NRXN3: variants seen among roughly 807,000 people sequenced by gnomAD.
NRXN3 encodes the protein neurexin 3.
Under a neutral mutation model 137.6 loss-of-function variants are expected in NRXN3, and 32 were observed. The ratio of observed to expected loss-of-function variants is 0.23; its 90% CI spans 0.18 to 0.31. The LOEUF is 0.31. NRXN3 is among the 10% of genes least tolerant of loss of function. The pLI is 1.00. For synonymous variants in NRXN3, 798 were observed against 784.5 expected (o/e 1.02, Z -0.29); for missense variants, 1,574 against 2,062.5 (o/e 0.76, Z 4.59).
chr14:79,849,811 T>C (rs976542132), intron 20 of NRXN3, among the ~76,000 whole-genome samples: 1 of 152,196 alleles, frequency 6.6e-6, no homozygotes, highest in Non-Finnish European at 1.5e-5. Context: ...CCATGTTCAT[T>C]GCAGCATTAC....
At chr14:79,348,214 C>G (rs756460672) in intron 15 of NRXN3, among the ~76,000 whole-genome samples, 6 of 152,170 alleles carry the variant, frequency 3.9e-5, no homozygotes, top group Non-Finnish European at 8.8e-5. Context: ...GACGCTTATT[C>G]AACTATATGA....
At chr14:79,092,614 A>C (rs1238663167) in intron 15 of NRXN3, among the ~76,000 whole-genome samples, 5 of 152,206 alleles carry the variant, frequency 3.3e-5, no homozygotes, top group Non-Finnish European at 5.9e-5. Context: ...TTAAATTCAA[A>C]GTCAAATACA....
At chr14:79,143,896 T>A (rs373048313) in intron 15 of NRXN3, among the ~76,000 whole-genome samples, 346 of 152,352 alleles carry the variant, frequency 2.3e-3, no homozygotes, top group African/African-American at 7.8e-3. Context: ...AGATTTTTTT[T>A]AAAACTTTTC....
intron 15 of NRXN3, among the ~76,000 whole-genome samples, chr14:79,150,379 A>G (rs897319589): frequency 3.3e-5 from 5 of 151,718 alleles, no homozygotes; most frequent in African/African-American, 7.3e-5. Context: ...CTTCACCAGC[A>G]GTAGAAAAGT....
chr14:79,130,381 C>G (rs1459686207), intron 15 of NRXN3, among the ~76,000 whole-genome samples: 1 of 152,010 alleles, frequency 6.6e-6, no homozygotes, highest in Non-Finnish European at 1.5e-5. Flanking sequence ...CTGGTGGTGA[C>G]AAAATCTCTC....
chr14:79,390,562 C>A (rs2094811937), intron 15 of NRXN3, among the ~76,000 whole-genome samples: 1 of 152,096 alleles, frequency 6.6e-6, no homozygotes, highest in African/African-American at 2.4e-5. Flanking sequence ...CTCCTAAATT[C>A]TAGCAAACTT....
intron 19 of NRXN3, among the ~76,000 whole-genome samples, chr14:79,721,948 A>G (rs547833024): frequency 3.3e-5 from 5 of 152,100 alleles, no homozygotes; most frequent in Non-Finnish European, 7.4e-5. Context: ...AAAGAACTCC[A>G]TAGAGAGCTA....
At chr14:79,708,063 T>C (rs1479500464) in intron 19 of NRXN3, among the ~76,000 whole-genome samples, 1 of 152,208 alleles carries the variant, frequency 6.6e-6, no homozygotes, top group Non-Finnish European at 1.5e-5. Flanking sequence ...GACATCACAA[T>C]GACCACTTCT....
At chr14:79,569,917 A>G (rs529459964) in intron 16 of NRXN3, among the ~76,000 whole-genome samples, 38 of 152,208 alleles carry the variant, frequency 2.5e-4, no homozygotes, top group African/African-American at 8.9e-4. Flanking sequence ...CCAACAGAAC[A>G]TATTTTAATG....
chr14:79,320,207 T>G (rs1354610100), intron 15 of NRXN3, among the ~76,000 whole-genome samples: 1 of 152,236 alleles, frequency 6.6e-6, no homozygotes, highest in East Asian at 1.9e-4. Context: ...AACACGTCTA[T>G]GAAATGCTAT....
intron 1 of NRXN3, among the ~76,000 whole-genome samples, chr14:78,180,953 A>G (rs999721579): frequency 8.5e-5 from 13 of 152,192 alleles, no homozygotes; most frequent in Admixed American, 7.9e-4. Flanking sequence ...TGCACCTCAC[A>G]CCAACTAAAT....
At chr14:78,220,755 A>T (rs1263783713) in intron 1 of NRXN3, among the ~76,000 whole-genome samples, 1 of 152,030 alleles carries the variant, frequency 6.6e-6, no homozygotes, top group Non-Finnish European at 1.5e-5. Flanking sequence ...AGCACTGGGG[A>T]TAAGTCAGTT....
intron 3 of NRXN3, among the ~76,000 whole-genome samples, chr14:78,279,916 C>A (rs2074163219): frequency 6.6e-6 from 1 of 152,128 alleles, no homozygotes; most frequent in Admixed American, 6.5e-5. Flanking sequence ...TGTGTGGGAT[C>A]TTACACAACA....
intron 15 of NRXN3, among the ~76,000 whole-genome samples, chr14:79,216,771 A>G (rs1473698589): frequency 6.6e-6 from 1 of 152,204 alleles, no homozygotes; most frequent in East Asian, 1.9e-4. Context: ...TTTAATAAAT[A>G]TTATAGGGAC....
At chr14:79,554,214 G>A (rs61002775) in intron 16 of NRXN3, among the ~76,000 whole-genome samples, 2,837 of 152,216 alleles carry the variant, frequency 0.019, 96 homozygotes, top group African/African-American at 0.065. Context: ...GATTCCTGAA[G>A]GTCTGCATGT....
chr14:79,842,033 A>G (rs967156839), intron 20 of NRXN3, among the ~76,000 whole-genome samples: 2 of 152,220 alleles, frequency 1.3e-5, no homozygotes, highest in African/African-American at 4.8e-5. Context: ...AGAGGACTGC[A>G]AGAAAAACAG....
At chr14:78,917,643 G>A (rs2099259109) in intron 10 of NRXN3, among the ~76,000 whole-genome samples, 1 of 152,120 alleles carries the variant, frequency 6.6e-6, no homozygotes. Context: ...GAGTGTTGGT[G>A]CCAAGATCTG....
intron 15 of NRXN3, among the ~76,000 whole-genome samples, chr14:79,260,958 G>T (rs547625268): frequency 6.6e-6 from 1 of 152,144 alleles, no homozygotes; most frequent in Non-Finnish European, 1.5e-5. Context: ...CAAGATCTGG[G>T]CTACCCAAAC....
intron 15 of NRXN3, among the ~76,000 whole-genome samples, chr14:79,349,228 G>A (rs2093065918): frequency 6.6e-6 from 1 of 151,892 alleles, no homozygotes; most frequent in Non-Finnish European, 1.5e-5. Context: ...TGTCCAAGTG[G>A]ACATGCTAAA....
Sources: allele counts gnomAD v4.1 joint callset (sites outside exome capture counted in the v4.1 genomes callset), GRCh38; gene constraint gnomAD v4.1.1; transcripts MANE v1.5; gene names NCBI Gene and HGNC (gene_info 2026-07-23, HGNC 2026-07-21).